TXK: variants seen among roughly 807,000 people sequenced by gnomAD.
The protein encoded by TXK is TXK tyrosine kinase.
A neutral mutation model predicts 81.0 loss-of-function variants in TXK; 60 were observed. That is an observed-to-expected ratio of 0.74 (90% CI 0.60 to 0.92). The LOEUF is 0.92. TXK is among the 40% of genes least tolerant of loss of function. The pLI, the probability that TXK is intolerant of heterozygous loss-of-function variation, is 0.00. For missense variants in TXK, 581 were observed against 638.3 expected (o/e 0.91, Z 0.97); for synonymous variants, 203 against 210.7 (o/e 0.96, Z 0.32).
intron 5 of TXK, 67 bp downstream of exon 5, chr4:48,110,471 G>A: frequency 1.7e-6 from 2 of 1,151,776 alleles, no homozygotes; most frequent in Non-Finnish European, 2.6e-6. Context: ...ACCCAAAACA[G>A]TATCTATACT....
chr4:48,083,147 C>A (rs942587362), intron 10 of TXK, among the ~76,000 whole-genome samples: 1 of 152,218 alleles, frequency 6.6e-6, no homozygotes, highest in African/African-American at 2.4e-5. Flanking sequence ...ACAACGCAGA[C>A]CCACTTGGGC....
chr4:48,073,853 A>T, intron 13 of TXK, 82 bp downstream of exon 13: 2 of 925,726 alleles, frequency 2.2e-6, no homozygotes, highest in East Asian at 2.5e-5. Context: ...ATGCTATATC[A>T]ATTAGGAAAT....
intron 1 of TXK, among the ~76,000 whole-genome samples, chr4:48,126,356 C>G (rs1274385173): frequency 6.6e-6 from 1 of 152,152 alleles, no homozygotes; most frequent in African/African-American, 2.4e-5. Context: ...TGTAAGAATA[C>G]AGTGTATGAT....
intron 1 of TXK, among the ~76,000 whole-genome samples, chr4:48,127,661 C>T (rs28450606): frequency 1.3e-3 from 203 of 152,306 alleles, no homozygotes; most frequent in African/African-American, 4.6e-3. Flanking sequence ...CTTACATCTG[C>T]GCTGTTCTTT....
intron 10 of TXK, among the ~76,000 whole-genome samples, chr4:48,084,143 G>A (rs181983361): frequency 6.6e-6 from 1 of 152,264 alleles, no homozygotes; most frequent in Non-Finnish European, 1.5e-5. Flanking sequence ...AGGCTGGAGT[G>A]CAGTGGTGCC....
intron 9 of TXK, chr4:48,089,309 A>T (rs1560347042): frequency 6.5e-6 from 1 of 153,914 alleles, no homozygotes; most frequent in Non-Finnish European, 1.4e-5. Context: ...GGGTGATGTA[A>T]ACTTTGAGAA....
intron 11 of TXK, among the ~76,000 whole-genome samples, chr4:48,076,952 G>C (rs1286674382): frequency 1.3e-5 from 2 of 152,116 alleles, no homozygotes; most frequent in African/African-American, 4.8e-5. Context: ...AATTCAATCT[G>C]AAAGATGATA....
chr4:48,074,538 T>A (rs754804854), intron 12 of TXK, among the ~76,000 whole-genome samples: 16 of 152,274 alleles, frequency 1.1e-4, no homozygotes, highest in Non-Finnish European at 1.8e-4. Flanking sequence ...TATATGAACA[T>A]AATGCTTCTG....
rs747170810 is a variant in TXK at position 48,066,890 on chromosome 4, G to A, written c.*747C>T. The A allele has an allele frequency of 6.6e-6, 1 of 152,104 alleles. No homozygotes were observed. The highest frequency in any genetic ancestry group is 1.5e-5 in the Non-Finnish European group (1 of 68,014). 9.4% of individuals were successfully genotyped at this position (152,104 alleles called of 1,614,324 possible). A position where few individuals can be genotyped will look rare whatever the true frequency, so the allele number is the denominator to read the frequency against. On this transcript the variant is annotated 3_prime_UTR_variant, in exon 15 of 15. Transcript: ENST00000264316. ...ATGACAAAATAAGGCCTCTGAAACT[G>A]TCCAATCTCACATGTAAAAAGTGTA...
chr4:48,132,077 T>A (rs1403252973), intron 1 of TXK, among the ~76,000 whole-genome samples: 1 of 151,910 alleles, frequency 6.6e-6, no homozygotes, highest in East Asian at 1.9e-4. Context: ...TACAAACAAT[T>A]GTTGGCTCCT....
At chr4:48,095,907 A>G (rs2083049800) in intron 6 of TXK, among the ~76,000 whole-genome samples, 1 of 152,248 alleles carries the variant, frequency 6.6e-6, no homozygotes, top group Non-Finnish European at 1.5e-5. Context: ...TGCATTGTTT[A>G]GATTCGTTTG....
chr4:48,115,921 C>T lies in TXK; in HGVS notation c.17-1519G>A, dbSNP rs1356442553. Among the ~76,000 whole-genome samples, 5 of 152,204 alleles carry T rather than the reference C, an allele frequency of 3.3e-5. No individual in the cohort carries two copies. In the East Asian group the frequency reaches 5.8e-4, roughly 18 times the overall value. ...TATTTTCATAGAACCTACATTTCCC[C>T]ATCAGCTCATACTCATATTGACATC... On this transcript the variant is annotated intron_variant, in intron 1 of 14. Transcript: ENST00000264316.
At chr4:48,104,996 A>C (rs759683581) in intron 5 of TXK, 41 bp from the exon 6 acceptor site, 4 of 1,448,648 alleles carry the variant, frequency 2.8e-6, no homozygotes, top group South Asian at 1.3e-5. Flanking sequence ...TTTATATTCA[A>C]TTTTTTTAAG....
At chr4:48,069,542 G>A (rs1716754611) in intron 14 of TXK, among the ~76,000 whole-genome samples, 1 of 151,902 alleles carries the variant, frequency 6.6e-6, no homozygotes, top group East Asian at 1.9e-4. Context: ...TAGCCAGGCT[G>A]GTCTCGAACT....
chr4:48,095,386 T>A (rs1450418891), intron 6 of TXK, among the ~76,000 whole-genome samples, 164 bp from the exon 7 acceptor site: 6 of 152,216 alleles, frequency 3.9e-5, no homozygotes, highest in Admixed American at 3.9e-4. Context: ...CAAAATCTTA[T>A]CTCCCTTATA....
chr4:48,083,657 A>AT (rs1257821540), intron 10 of TXK, among the ~76,000 whole-genome samples: 6 of 152,370 alleles, frequency 3.9e-5, no homozygotes, highest in Admixed American at 2.6e-4. Flanking sequence ...GTGAGGATTC[A>AT]TTAATTCATT....
intron 1 of TXK, among the ~76,000 whole-genome samples, chr4:48,131,287 T>C (rs1168538624): frequency 4.6e-5 from 7 of 152,042 alleles, no homozygotes; most frequent in Non-Finnish European, 1.0e-4. Flanking sequence ...AACAAATGTT[T>C]TTGGCAAATG....
chr4:48,068,235 C>A (rs1433102616), intron 14 of TXK, among the ~76,000 whole-genome samples: 5 of 152,178 alleles, frequency 3.3e-5, no homozygotes, highest in African/African-American at 7.2e-5. Context: ...TCAGAAAGTA[C>A]TCTAGGACAC....
intron 11 of TXK, among the ~76,000 whole-genome samples, chr4:48,076,742 C>G (rs926309291): frequency 2.6e-5 from 4 of 152,172 alleles, no homozygotes; most frequent in Admixed American, 2.0e-4. Context: ...CATCCTCCCA[C>G]CTTAGCCTCT....
Sources: gnomAD v4.1 joint callset for allele counts (sites outside exome capture counted in the v4.1 genomes callset) on GRCh38, gnomAD v4.1.1 for gene constraint, MANE v1.5 for transcripts, NCBI Gene and HGNC (gene_info 2026-07-23, HGNC 2026-07-21) for gene names.